SUGCT: variants seen among roughly 807,000 people sequenced by gnomAD.
SUGCT encodes succinyl-CoA:glutarate-CoA transferase, also known as succinyl-CoA:glutarate CoA-transferase.
Under a neutral mutation model 55.0 loss-of-function variants are expected in SUGCT, and 41 were observed. The ratio of observed to expected loss-of-function variants is 0.74; its 90% CI spans 0.58 to 0.97. SUGCT has a LOEUF of 0.97. Among genes scored for constraint, SUGCT ranks in the 50% least tolerant of loss-of-function variants. The pLI is 0.00. For synonymous variants in SUGCT, 187 were observed against 200.4 expected (o/e 0.93, Z 0.56); for missense variants, 568 against 547.8 (o/e 1.04, Z -0.37).
intron 13 of SUGCT, among the ~76,000 whole-genome samples, chr7:40,823,275 G>A (rs916848410): frequency 9.2e-5 from 14 of 152,066 alleles, no homozygotes; most frequent in African/African-American, 3.1e-4. Flanking sequence ...AGGTCACTCC[G>A]ATTTCTCTTC....
At chr7:40,576,449 A>G (rs1167416590) in intron 12 of SUGCT, among the ~76,000 whole-genome samples, 1 of 152,242 alleles carries the variant, frequency 6.6e-6, no homozygotes, top group Non-Finnish European at 1.5e-5. Flanking sequence ...CACCAAAAGG[A>G]TAAAAAGTCT....
chr7:40,329,264 C>G (rs1224302058), intron 9 of SUGCT, among the ~76,000 whole-genome samples: 5 of 152,028 alleles, frequency 3.3e-5, no homozygotes, highest in Admixed American at 6.6e-5. Flanking sequence ...TGGTAGAAAG[C>G]CTGTAAGATG....
At chr7:40,285,470 T>C (rs572408271) in intron 8 of SUGCT, among the ~76,000 whole-genome samples, 21 of 141,490 alleles carry the variant, frequency 1.5e-4, no homozygotes, top group African/African-American at 5.2e-4. Flanking sequence ...TTTATTTATT[T>C]ATTCTTGTTT....
intron 12 of SUGCT, among the ~76,000 whole-genome samples, chr7:40,496,662 A>C (rs1396627772): frequency 1.3e-5 from 2 of 152,160 alleles, no homozygotes; most frequent in East Asian, 3.8e-4. Flanking sequence ...GAAAAACAGA[A>C]ATATACACAA....
At chr7:40,396,856 G>A (rs936748780) in intron 9 of SUGCT, among the ~76,000 whole-genome samples, 7 of 151,868 alleles carry the variant, frequency 4.6e-5, no homozygotes, top group Non-Finnish European at 1.0e-4. Context: ...AGCAGTAACT[G>A]GACAAAGCAA....
the SUGCT span, among the ~76,000 whole-genome samples, chr7:40,969,716 C>A: frequency 6.6e-6 from 1 of 152,164 alleles, no homozygotes; most frequent in Non-Finnish European, 1.5e-5. Context: ...AGGCCCACAT[C>A]CTATTGGGTC....
chr7:40,540,529 A>G (rs769969181), intron 12 of SUGCT, among the ~76,000 whole-genome samples: 2 of 152,240 alleles, frequency 1.3e-5, no homozygotes, highest in African/African-American at 2.4e-5. Flanking sequence ...CTCTGTCCTT[A>G]CCAGGAAAGT....
chr7:40,597,330 T>A (rs1375119171), intron 12 of SUGCT, among the ~76,000 whole-genome samples: 1 of 152,144 alleles, frequency 6.6e-6, no homozygotes, highest in African/African-American at 2.4e-5. Context: ...CAAGTTCAGA[T>A]AAGTTTTTTT....
intron 8 of SUGCT, among the ~76,000 whole-genome samples, chr7:40,294,973 G>T (rs1259047679): frequency 1.3e-5 from 2 of 152,228 alleles, no homozygotes; most frequent in Non-Finnish European, 2.9e-5. Context: ...GAAGGGCATT[G>T]TTAAATTAAC....
At chr7:40,225,855 G>C (rs369688247) in intron 6 of SUGCT, among the ~76,000 whole-genome samples, 1 of 152,058 alleles carries the variant, frequency 6.6e-6, no homozygotes, top group East Asian at 1.9e-4. Context: ...TTTGGGTAAG[G>C]CACTTAGTCT....
At chr7:40,232,706 C>T (rs562821746) in intron 6 of SUGCT, among the ~76,000 whole-genome samples, 12 of 152,136 alleles carry the variant, frequency 7.9e-5, no homozygotes, top group Non-Finnish European at 1.6e-4. Context: ...GTTTTGCTTT[C>T]AGTGTCCATA....
At chr7:40,772,547 T>TATCTATCTATCTATCTATC (rs1789194145) in intron 13 of SUGCT, among the ~76,000 whole-genome samples, 1 of 148,890 alleles carries the variant, frequency 6.7e-6, no homozygotes, top group Admixed American at 6.7e-5. Context: ...TCTATCTATC[T>TATCTATCTATCTATCTATC]ATCTATCTAT....
At chr7:40,271,497 T>C (rs1289242065) in intron 7 of SUGCT, among the ~76,000 whole-genome samples, 1 of 152,198 alleles carries the variant, frequency 6.6e-6, no homozygotes, top group Non-Finnish European at 1.5e-5. Flanking sequence ...TGGGTTATGA[T>C]TTTTAATAGA....
chr7:40,627,291 C>A (rs1264331829), intron 12 of SUGCT, among the ~76,000 whole-genome samples: 1 of 152,090 alleles, frequency 6.6e-6, no homozygotes. Context: ...AGCAGCCATT[C>A]AAGGGCTGTG....
At chr7:40,237,804 A>C (rs1320991557) in intron 7 of SUGCT, 78 bp downstream of exon 7, 1 of 1,178,630 alleles carries the variant, frequency 8.5e-7, no homozygotes, top group East Asian at 2.4e-5. Flanking sequence ...ACTAACCCAT[A>C]GGATTAAATG....
intron 1 of SUGCT, among the ~76,000 whole-genome samples, chr7:40,160,699 C>A (rs551818512): frequency 6.6e-6 from 1 of 151,766 alleles, no homozygotes; most frequent in Non-Finnish European, 1.5e-5. Context: ...GAAATATGGA[C>A]CAACATCAAG....
intron 12 of SUGCT, among the ~76,000 whole-genome samples, chr7:40,526,171 A>T (rs1267074684): frequency 6.6e-6 from 1 of 152,148 alleles, no homozygotes; most frequent in Non-Finnish European, 1.5e-5. Flanking sequence ...ATGTGCATTC[A>T]GGAAATTCAC....
chr7:40,741,865 G>A (rs1787479206), intron 12 of SUGCT, among the ~76,000 whole-genome samples: 2 of 152,126 alleles, frequency 1.3e-5, no homozygotes, highest in Admixed American at 6.6e-5. Context: ...TGTTATAAAT[G>A]GGTGAAATCC....
intron 9 of SUGCT, among the ~76,000 whole-genome samples, chr7:40,331,572 C>T (rs1796311510): frequency 6.8e-6 from 1 of 148,118 alleles, no homozygotes; most frequent in Non-Finnish European, 1.5e-5. Context: ...ACTGCCAGTA[C>T]TACACGAGCT....
Sources: allele counts gnomAD v4.1 joint callset (sites outside exome capture counted in the v4.1 genomes callset), GRCh38; gene constraint gnomAD v4.1.1; transcripts MANE v1.5; gene names NCBI Gene and HGNC (gene_info 2026-07-23, HGNC 2026-07-21).